SEZ6L2: variants seen among roughly 807,000 people sequenced by gnomAD.
SEZ6L2 encodes seizure 6-like protein 2.
Under a neutral mutation model 97.0 loss-of-function variants are expected in SEZ6L2, and 44 were observed. The ratio of observed to expected loss-of-function variants is 0.45; its 90% CI spans 0.36 to 0.58. The LOEUF (loss-of-function observed/expected upper bound fraction) is 0.58. Ranked by LOEUF, SEZ6L2 falls within the 20% of genes least tolerant of loss-of-function variation. The pLI, the probability that SEZ6L2 is intolerant of heterozygous loss-of-function variation, is 0.00. For missense variants in SEZ6L2, 1,086 were observed against 1,233.3 expected (o/e 0.88, Z 1.79); for synonymous variants, 543 against 546.1 (o/e 0.99, Z 0.08).
intron 9 of SEZ6L2, among the ~76,000 whole-genome samples, chr16:29,879,052 A>G (rs780155732): frequency 1.3e-5 from 2 of 150,928 alleles, no homozygotes; most frequent in African/African-American, 2.4e-5. Flanking sequence ...ACAGGCACGC[A>G]CTACCATGCC....
At chr16:29,887,961 TC>T in intron 6 of SEZ6L2, 144 bp from the exon 7 acceptor site, 1 of 850,350 alleles carries the variant, frequency 1.2e-6, no homozygotes, top group Non-Finnish European at 1.8e-6. Context: ...ATGGAGTCAC[TC>T]CAGAGGATGG....
chr16:29,894,408 GCCTCCCTCCTTCTCTC>G (rs1383497884), intron 5 of SEZ6L2, among the ~76,000 whole-genome samples: 2 of 151,984 alleles, frequency 1.3e-5, no homozygotes, highest in South Asian at 4.2e-4. Flanking sequence ...TTAGCCATCT[GCCTCCCTCCTTCTCTC>G]CCTCCCTCCC....
At chr16:29,883,703 G>A (rs2068073772) in intron 8 of SEZ6L2, among the ~76,000 whole-genome samples, 1 of 152,080 alleles carries the variant, frequency 6.6e-6, no homozygotes, top group Admixed American at 6.6e-5. Flanking sequence ...AGGCCGAGGT[G>A]GGAGGATCAC....
In SEZ6L2 at chr16:29,871,435, T is replaced by G. The variant is rs549630974; in HGVS notation, c.*264A>C. The G allele has an allele frequency of 1.1e-5, 6 of 569,742 alleles. No homozygotes were observed. The South Asian group carries it at 1.2e-4, about 12-fold the overall frequency. 35.3% of individuals were successfully genotyped at this position (569,742 alleles called of 1,614,324 possible). On this transcript the variant is annotated 3_prime_UTR_variant, in exon 18 of 18. Coordinates refer to ENST00000617533, the MANE Select transcript of SEZ6L2 (RefSeq NM_001243332.2). ...CTGCAAGATTTGCAGGGAGGCAGAG[T>G]TCCCCTCCCAGAATCCAAAAGCCGG...
intron 14 of SEZ6L2, 51 bp from the exon 15 acceptor site, chr16:29,872,794 A>G: frequency 7.8e-7 from 1 of 1,283,000 alleles, no homozygotes. Context: ...GGAGGGGAGG[A>G]GGCTGGGAGG....
Position 29,871,339 on chromosome 16 carries a change from G to C in SEZ6L2, c.*360C>G. On this transcript the variant is annotated 3_prime_UTR_variant, in exon 18 of 18. Coordinates refer to ENST00000617533, the MANE Select transcript of SEZ6L2 (RefSeq NM_001243332.2). ...TAGGGCCAGGGCATCTGGGAGGGGG[G>C]CACCTTCGTGGCCAAGGGAACAGTA... 1 of 362,036 alleles carries C rather than the reference G, an allele frequency of 2.8e-6. No individual in the cohort carries two copies. Among genetic ancestry groups the C allele is most frequent in the South Asian group, 3.3e-5 (1 of 30,420 alleles). 22.4% of individuals were successfully genotyped at this position (362,036 alleles called of 1,614,324 possible).
intron 2 of SEZ6L2, 26 bp downstream of exon 2, chr16:29,897,827 C>T (rs964309632): frequency 5.0e-6 from 8 of 1,585,200 alleles, no homozygotes; most frequent in Non-Finnish European, 6.0e-6. Context: ...GCCTCTAGGC[C>T]ACTCCTGCCA....
chr16:29,896,959 G>T lies in SEZ6L2; in HGVS notation c.374C>A (p.Pro125Gln), dbSNP rs772158440. The T allele has an allele frequency of 6.3e-7, 1 of 1,595,386 alleles. No individual in the cohort carries two copies. The highest frequency in any genetic ancestry group is 2.3e-5 in the East Asian group (1 of 44,050). The change falls in exon 3 of 18, where the codon CCG becomes CAG. Residue 125 changes from proline to glutamine, a missense_variant. By Grantham distance (76) the Pro-to-Gln change is moderately conservative (BLOSUM62 -1). This residue lies in a region of SEZ6L2 where 776 missense variants were observed against 794.7 expected (regional missense o/e 0.98). Transcript: ENST00000617533. ...AGPTAPELLT[P>Q]PPGTTAPPPP... ...GGGTGGGGCTGTGGTTCCTGGGGGC[G>T]GGGTCAGCAGTTCTGGCGCAGTGGG...
chr16:29,878,143 T>A (rs2067949175), intron 10 of SEZ6L2, 144 bp downstream of exon 10: 3 of 1,040,604 alleles, frequency 2.9e-6, no homozygotes, highest in Non-Finnish European at 4.0e-6. Flanking sequence ...ACGTCTATCC[T>A]GTACCCTTAG....
intron 10 of SEZ6L2, 53 bp downstream of exon 10, chr16:29,878,234 C>G: frequency 6.6e-7 from 1 of 1,508,528 alleles, no homozygotes; most frequent in South Asian, 1.3e-5. Flanking sequence ...CATTGGCATA[C>G]CACACTTTGC....
chr16:29,878,596 A>T (rs917104736), intron 9 of SEZ6L2, among the ~76,000 whole-genome samples, 171 bp from the exon 10 acceptor site: 44 of 150,960 alleles, frequency 2.9e-4, no homozygotes, highest in African/African-American at 9.2e-4. Context: ...TTATTTTTAA[A>T]TTTTTTTTGA....
At chr16:29,871,750 C>G (rs2067786745) in intron 17 of SEZ6L2, 22 bp from the exon 18 acceptor site, 2 of 1,604,032 alleles carry the variant, frequency 1.2e-6, no homozygotes, top group Admixed American at 1.7e-5. Flanking sequence ...GAGATCAGGT[C>G]AGTTGTTGGA....
At chr16:29,884,324 G>T (rs186754970) in intron 8 of SEZ6L2, among the ~76,000 whole-genome samples, 30 of 152,224 alleles carry the variant, frequency 2.0e-4, no homozygotes, top group Admixed American at 9.2e-4. Context: ...GGAGGAGGTG[G>T]CTTACACCTG....
At chr16:29,896,676 AG>A in intron 3 of SEZ6L2, 145 bp downstream of exon 3, 1 of 678,662 alleles carries the variant, frequency 1.5e-6, no homozygotes, top group Non-Finnish European at 2.6e-6. Flanking sequence ...GTACATAGTA[AG>A]GGTACAGAAA....
chr16:29,895,557 A>C, intron 4 of SEZ6L2, 97 bp from the exon 5 acceptor site: 1 of 1,434,864 alleles, frequency 7.0e-7, no homozygotes, highest in Non-Finnish European at 9.5e-7. Context: ...GTAGCAGCCC[A>C]AAAGGCACCA....
Position 29,873,755 on chromosome 16 carries a change from G to T in SEZ6L2, c.2105-26C>A, listed in dbSNP as rs747287737. ...CTGGTGGCAGAAGAACAAGGTCAGG[G>T]GGAGCGAGGGCCTTCAAAGATCAGC... On this transcript the variant is annotated intron_variant, in intron 12 of 17. Coordinates refer to ENST00000617533, the MANE Select transcript of SEZ6L2 (RefSeq NM_001243332.2). This position sits in a 1 kb window ranked among gnomAD's most constrained non-coding sequence, Gnocchi z 4.3. 18 of 1,537,432 alleles carry T rather than the reference G, an allele frequency of 1.2e-5. No homozygotes were observed. Among genetic ancestry groups the T allele is most frequent in the Non-Finnish European group, 1.5e-5 (17 of 1,145,660 alleles).
intron 5 of SEZ6L2, among the ~76,000 whole-genome samples, chr16:29,890,743 C>CTTTTTT (rs71143763): frequency 3.7e-3 from 278 of 74,380 alleles, no homozygotes; most frequent in Non-Finnish European, 5.0e-3. Context: ...TAACCATTGT[C>CTTTTTT]TTTTTTTTTT....
intron 2 of SEZ6L2, 36 bp from the exon 3 acceptor site, chr16:29,897,157 A>G: frequency 6.8e-7 from 1 of 1,475,912 alleles, no homozygotes; most frequent in Non-Finnish European, 9.0e-7. Flanking sequence ...GCACAGGAGG[A>G]GCACATGGAG....
In SEZ6L2 at chr16:29,876,856, G is replaced by A. The variant is rs748646838; in HGVS notation, c.2004C>T (p.Leu668=). The A allele has an allele frequency of 1.2e-6, 2 of 1,613,134 alleles. No homozygotes were observed. The highest frequency in any genetic ancestry group is 1.3e-5 in the African/African-American group (1 of 74,902). ...CGTAGCCAGGCTCGCACTGGTAGGT[G>A]AGCACCGTGCCCCGGATCAGGTCCC... ...SHGDLIRGTV[L]TYQCEPGYEL... is the part of the protein sequence containing the mutation. The change falls in exon 12 of 18, where the codon CTC becomes CTT. Residue 668 remains leucine, a synonymous_variant. Coordinates refer to ENST00000617533, the MANE Select transcript of SEZ6L2 (RefSeq NM_001243332.2). The surrounding 1 kb of genome is among the most constrained non-coding windows in gnomAD (Gnocchi z 6.5).
Sources: gnomAD v4.1 joint callset for allele counts (sites outside exome capture counted in the v4.1 genomes callset) on GRCh38, gnomAD v4.1.1 for gene constraint, gnomAD v4.1.1 regional missense constraint, Gnocchi (gnomAD v3.1) non-coding constraint, MANE v1.5 for transcripts, NCBI Gene and HGNC (gene_info 2026-07-23, HGNC 2026-07-21) for gene names.